ANKH: variants seen among roughly 807,000 people sequenced by gnomAD.
The protein encoded by ANKH is ANKH inorganic pyrophosphate transport regulator.
Under a neutral mutation model 49.0 loss-of-function variants are expected in ANKH, and 15 were observed. That is an observed-to-expected ratio of 0.31 (90% confidence interval 0.20 to 0.47). The LOEUF is 0.47. Ranked by LOEUF, ANKH falls within the 20% of genes least tolerant of loss-of-function variation. The pLI is 1.00. For missense variants in ANKH, 429 were observed against 652.0 expected (o/e 0.66, Z 3.72); for synonymous variants, 273 against 260.0 (o/e 1.05, Z -0.48).
chr5:14,736,759 C>T (rs1040978773), intron 8 of ANKH, among the ~76,000 whole-genome samples: 8 of 152,192 alleles, frequency 5.3e-5, no homozygotes, highest in Admixed American at 1.3e-4. Context: ...TGGGTATAGT[C>T]GTGTAGTTCG....
intron 1 of ANKH, among the ~76,000 whole-genome samples, chr5:14,827,225 C>T (rs532766580): frequency 2.0e-5 from 3 of 152,322 alleles, no homozygotes; most frequent in Admixed American, 6.5e-5. Context: ...TTACCAAGGG[C>T]CACTGCTCTA....
intron 8 of ANKH, among the ~76,000 whole-genome samples, chr5:14,735,397 CAAAA>C (rs1416769001): frequency 1.3e-5 from 2 of 152,110 alleles, no homozygotes; most frequent in Non-Finnish European, 2.9e-5. Flanking sequence ...CAGAATCTAA[CAAAA>C]AACAAAAACA....
At chr5:14,804,085 G>A (rs1013165463) in intron 1 of ANKH, among the ~76,000 whole-genome samples, 4 of 152,146 alleles carry the variant, frequency 2.6e-5, no homozygotes, top group African/African-American at 7.2e-5. Context: ...TAGTAGAGAC[G>A]GGGTTTCACC....
At position 14,712,977 on chromosome 5, in the gene ANKH, C is replaced by T. The variant is rs758687345; in HGVS notation, c.1266-4G>A. 18 of 1,610,734 alleles carry T rather than the reference C, an allele frequency of 1.1e-5. 1 individual carries two copies. Among genetic ancestry groups the T allele is most frequent in the South Asian group, 3.3e-5 (3 of 90,236 alleles). On this transcript the variant is annotated splice_polypyrimidine_tract_variant and splice_region_variant and intron_variant, in intron 10 of 11. Coordinates refer to ENST00000284268, the MANE Select transcript of ANKH (RefSeq NM_054027.6). ...GCCCAGGGTCGCACCGTGCACCCTG[C>T]AGATGAGAACACAAAGGCAATTTGT...
chr5:14,829,761 AC>A lies in ANKH; in HGVS notation c.96+41590del, dbSNP rs534283067. Among the ~76,000 whole-genome samples, 46 of 152,322 alleles carry A rather than the reference AC, an allele frequency of 3.0e-4. No individual in the cohort carries two copies. In the East Asian group the frequency reaches 6.9e-3, roughly 23 times the overall value. On this transcript the variant is annotated intron_variant, in intron 1 of 11. Transcript: ENST00000284268. Reference sequence around the variant, plus strand: ...CGTTTTATTTAGACAGGTACCTGAGACCAATATAATCTGTCCTCCCCATCCT... The same window carrying A: ...CGTTTTATTTAGACAGGTACCTGAGACAATATAATCTGTCCTCCCCATCCT...
intron 9 of ANKH, among the ~76,000 whole-genome samples, chr5:14,714,161 C>T (rs1174043654): frequency 6.6e-6 from 1 of 152,230 alleles, no homozygotes; most frequent in Non-Finnish European, 1.5e-5. Context: ...CCACTTCCCT[C>T]TGTTCTTTCC....
At chr5:14,789,804 G>A (rs1030907720) in intron 1 of ANKH, among the ~76,000 whole-genome samples, 8 of 152,014 alleles carry the variant, frequency 5.3e-5, no homozygotes, top group East Asian at 1.9e-4. Context: ...TCCGATTCCC[G>A]GGCTCAAGTG....
chr5:14,738,056 A>G (rs1738242621), intron 8 of ANKH, among the ~76,000 whole-genome samples: 1 of 152,150 alleles, frequency 6.6e-6, no homozygotes, highest in African/African-American at 2.4e-5. Context: ...CCTCTTCCAC[A>G]CTGGGCAGAA....
chr5:14,731,405 G>A (rs1737997852), intron 8 of ANKH, among the ~76,000 whole-genome samples: 1 of 152,188 alleles, frequency 6.6e-6, no homozygotes, highest in African/African-American at 2.4e-5. Flanking sequence ...AAGAAAAAGA[G>A]CTGTAAAAAA....
At chr5:14,716,925 TACGAAAG>T (rs1737488183) in intron 8 of ANKH, 90 bp from the exon 9 acceptor site, 13 of 1,546,540 alleles carry the variant, frequency 8.4e-6, no homozygotes, top group Non-Finnish European at 1.1e-5. Context: ...CTTGGAGAGT[TACGAAAG>T]AGGGACAACC....
rs774992122 is a variant in ANKH, at chr5:14,871,264, G to C, written c.96+88C>G. 7 of 1,155,074 alleles carry C rather than the reference G, an allele frequency of 6.1e-6. No individual in the cohort carries two copies. The Admixed American group carries it at 9.6e-5, about 16-fold the overall frequency. 71.6% of individuals were successfully genotyped at this position (1,155,074 alleles called of 1,614,324 possible). A position where few individuals can be genotyped will look rare whatever the true frequency, so the allele number is the denominator to read the frequency against. On this transcript the variant is annotated intron_variant, in intron 1 of 11. Transcript: ENST00000284268. ...AATGTTTCAGGATAAAGAGGGACTC[G>C]GAGCAGGTGACTCCCCTCCGCCCCC...
intron 1 of ANKH, among the ~76,000 whole-genome samples, chr5:14,819,238 A>T (rs1233474442): frequency 6.6e-6 from 1 of 152,216 alleles, no homozygotes; most frequent in East Asian, 1.9e-4. Context: ...CTGCTGTCTC[A>T]ACCTATTTCT....
intron 2 of ANKH, among the ~76,000 whole-genome samples, chr5:14,760,728 C>T (rs768567797): frequency 2.2e-4 from 33 of 152,292 alleles, no homozygotes; most frequent in Non-Finnish European, 4.3e-4. Flanking sequence ...TGCAAGAGCA[C>T]AGGGCTGGCT....
rs544161827 is a variant in ANKH, at chr5:14,860,078, G to A, written c.96+11274C>T. Among the ~76,000 whole-genome samples the A allele has an allele frequency of 1.6e-4, 25 of 152,360 alleles. No individual in the cohort carries two copies. In the South Asian group the frequency reaches 3.1e-3, roughly 19 times the overall value. Reference sequence around the variant, plus strand: ...GGAGACAGCCCAATAGGCATGAGCCGCAGGTGGTGGAATGCCTCTGCGTGG... The same window carrying A: ...GGAGACAGCCCAATAGGCATGAGCCACAGGTGGTGGAATGCCTCTGCGTGG... On this transcript the variant is annotated intron_variant, in intron 1 of 11. Coordinates refer to ENST00000284268, the MANE Select transcript of ANKH (RefSeq NM_054027.6).
At chr5:14,759,157 C>A (rs1738994284) in intron 2 of ANKH, among the ~76,000 whole-genome samples, 1 of 152,154 alleles carries the variant, frequency 6.6e-6, no homozygotes, top group African/African-American at 2.4e-5. Context: ...CTTGCCAGTT[C>A]TTTTATTTCA....
At chr5:14,840,254 A>C (rs1741780615) in intron 1 of ANKH, among the ~76,000 whole-genome samples, 2 of 152,198 alleles carry the variant, frequency 1.3e-5, no homozygotes, top group Admixed American at 6.5e-5. Flanking sequence ...AGCACTTTTT[A>C]AGAACAGTTT....
chr5:14,861,253 C>T (rs1210788084), intron 1 of ANKH, among the ~76,000 whole-genome samples: 1 of 152,178 alleles, frequency 6.6e-6, no homozygotes, highest in Non-Finnish European at 1.5e-5. Flanking sequence ...GGGACATGCA[C>T]AGAATAAGCC....
At chr5:14,808,375 A>T (rs531832355) in intron 1 of ANKH, among the ~76,000 whole-genome samples, 12 of 152,316 alleles carry the variant, frequency 7.9e-5, no homozygotes, top group Non-Finnish European at 1.5e-4. Flanking sequence ...AAAACACCCA[A>T]TGATTTGGGG....
intron 8 of ANKH, among the ~76,000 whole-genome samples, chr5:14,723,815 C>T: frequency 6.6e-6 from 1 of 152,102 alleles, no homozygotes; most frequent in Non-Finnish European, 1.5e-5. Context: ...GAGTGTAGTC[C>T]CCTCTCAGTC....
Sources: allele counts gnomAD v4.1 joint callset (sites outside exome capture counted in the v4.1 genomes callset), GRCh38; gene constraint gnomAD v4.1.1; transcripts MANE v1.5; gene names NCBI Gene and HGNC (gene_info 2026-07-23, HGNC 2026-07-21).